MBD5: variants seen among roughly 807,000 people sequenced by gnomAD.
MBD5 encodes the protein methyl-CpG-binding domain protein 5.
MBD5 carries 13 observed loss-of-function variants against 117.3 expected under a neutral mutation model. The observed-to-expected ratio is 0.11, with a 90% CI of 0.07 to 0.18. The LOEUF (loss-of-function observed/expected upper bound fraction) is 0.18. Among genes scored for constraint, MBD5 ranks in the 10% least tolerant of loss-of-function variants. The pLI is 1.00. For missense variants in MBD5, 1,879 were observed against 2,093.8 expected (o/e 0.90, Z 2.00); for synonymous variants, 727 against 766.4 (o/e 0.95, Z 0.85).
At chr2:148,044,509 T>C (rs539771176) in intron 1 of MBD5, 2 of 152,294 alleles carry the variant, frequency 1.3e-5, no homozygotes, top group Admixed American at 6.5e-5. Flanking sequence ...AATGTGTTGT[T>C]GGGAGTCACG....
chr2:148,322,923 C>A (rs1393966446), intron 3 of MBD5, among the ~76,000 whole-genome samples: 1 of 150,750 alleles, frequency 6.6e-6, no homozygotes, highest in Non-Finnish European at 1.5e-5. Context: ...TATACATGTG[C>A]CATGCTGGTG....
At chr2:148,168,791 G>A (rs1036904627) in intron 1 of MBD5, among the ~76,000 whole-genome samples, 12 of 151,858 alleles carry the variant, frequency 7.9e-5, no homozygotes, top group African/African-American at 2.9e-4. Context: ...ATATCTCTAA[G>A]GACTCAGTGC....
At chr2:148,229,339 T>C (rs1292426112) in intron 2 of MBD5, among the ~76,000 whole-genome samples, 1 of 152,138 alleles carries the variant, frequency 6.6e-6, no homozygotes, top group Admixed American at 6.6e-5. Flanking sequence ...GCTTGATTCT[T>C]TGTAATTATT....
At chr2:148,185,428 G>C (rs1462929715) in intron 2 of MBD5, among the ~76,000 whole-genome samples, 2 of 152,178 alleles carry the variant, frequency 1.3e-5, no homozygotes, top group Non-Finnish European at 2.9e-5. Flanking sequence ...CTATATGTAT[G>C]TGTGTACCCT....
intron 10 of MBD5, among the ~76,000 whole-genome samples, chr2:148,488,861 T>C (rs1681423084): frequency 6.6e-6 from 1 of 152,184 alleles, no homozygotes; most frequent in Non-Finnish European, 1.5e-5. Context: ...CAGGTATTAC[T>C]ACCCCATCTG....
At position 148,468,637 on chromosome 2, in the gene MBD5, T is replaced by G. The variant is rs1041832049; in HGVS notation, c.694T>G (p.Tyr232Asp). ...PSPASSGSQI[Y>D]GDGSISPRTD... ...CCCAGCGTCATCAGGTTCCCAGATA[T>G]ATGGAGATGGTTCAATCTCTCCAAG... Residue 232 changes from tyrosine (Y) to aspartate (D), a missense_variant, in exon 8 of 14, where the codon TAT (tyrosine) becomes GAT (aspartate). By Grantham distance (160) the Tyr-to-Asp change is radical. This residue lies in a region of MBD5 where 1,666 missense variants were observed against 1,792.2 expected (regional missense o/e 0.93). Transcript: ENST00000642680. The G allele has an allele frequency of 6.2e-7, 1 of 1,613,748 alleles. No individual in the cohort carries two copies. The highest frequency in any genetic ancestry group is 8.5e-7 in the Non-Finnish European group (1 of 1,179,864).
intron 1 of MBD5, among the ~76,000 whole-genome samples, chr2:148,163,403 A>C (rs1698054721): frequency 6.6e-6 from 1 of 152,156 alleles, no homozygotes; most frequent in Non-Finnish European, 1.5e-5. Flanking sequence ...ACTATCCATA[A>C]AGTTGCTTTG....
At chr2:148,199,110 A>C (rs1313865094) in intron 2 of MBD5, among the ~76,000 whole-genome samples, 3 of 152,198 alleles carry the variant, frequency 2.0e-5, no homozygotes, top group Non-Finnish European at 4.4e-5. Context: ...CCACAGGCTG[A>C]AAACTCTCGG....
chr2:148,363,029 GA>G (rs1703586928), intron 4 of MBD5, among the ~76,000 whole-genome samples: 1 of 152,046 alleles, frequency 6.6e-6, no homozygotes. Context: ...TGAAGATGAG[GA>G]AAAAACAGTG....
intron 1 of MBD5, among the ~76,000 whole-genome samples, chr2:148,131,039 A>C (rs1017481212): frequency 3.9e-5 from 6 of 152,294 alleles, no homozygotes; most frequent in Admixed American, 1.3e-4. Context: ...AATGTAGTAT[A>C]CAGGTTATTC....
At chr2:148,358,692 G>A (rs556293454) in intron 4 of MBD5, among the ~76,000 whole-genome samples, 23 of 151,834 alleles carry the variant, frequency 1.5e-4, no homozygotes, top group African/African-American at 2.7e-4. Context: ...GCTGAGGAGC[G>A]GATCGCTTGA....
chr2:148,236,805 T>C (rs941314662), intron 3 of MBD5, among the ~76,000 whole-genome samples: 2 of 152,180 alleles, frequency 1.3e-5, no homozygotes, highest in Admixed American at 6.5e-5. Context: ...TTCTTCTAGT[T>C]ACGAAAATCC....
intron 1 of MBD5, among the ~76,000 whole-genome samples, chr2:148,102,772 A>G: frequency 6.7e-6 from 1 of 150,158 alleles, no homozygotes; most frequent in Non-Finnish European, 1.5e-5. Context: ...GAAGAGAGAG[A>G]GAGAGAGAGA....
intron 3 of MBD5, among the ~76,000 whole-genome samples, chr2:148,248,558 C>G (rs1316094860): frequency 6.6e-6 from 1 of 151,970 alleles, no homozygotes. Context: ...ACCAAGGCAT[C>G]ATGAATGAGT....
At chr2:148,116,251 T>C (rs1057256592) in intron 1 of MBD5, among the ~76,000 whole-genome samples, 2 of 152,066 alleles carry the variant, frequency 1.3e-5, no homozygotes, top group Non-Finnish European at 2.9e-5. Context: ...GAGTTCTTTA[T>C]AGGTTATCAC....
At chr2:148,409,559 G>A (rs1367031442) in intron 4 of MBD5, among the ~76,000 whole-genome samples, 2 of 150,770 alleles carry the variant, frequency 1.3e-5, no homozygotes, top group South Asian at 2.1e-4. Flanking sequence ...TTATTCCACA[G>A]TTTTTAAGGG....
At chr2:148,118,435 A>AAAATATAT (rs1021339753) in intron 1 of MBD5, among the ~76,000 whole-genome samples, 14 of 148,576 alleles carry the variant, frequency 9.4e-5, no homozygotes, top group African/African-American at 3.5e-4. Flanking sequence ...CATAAAAAAA[A>AAAATATAT]ATATATATAT....
chr2:148,489,958 G>A lies in MBD5; in HGVS notation c.4326G>A (p.Arg1442=), dbSNP rs766189023. 1 of 1,614,034 alleles carries A rather than the reference G, an allele frequency of 6.2e-7. No individual in the cohort carries two copies. The highest frequency in any genetic ancestry group is 8.5e-7 in the Non-Finnish European group (1 of 1,180,000). The change falls in exon 11 of 14, where the codon AGG becomes AGA. Residue 1442 remains arginine (R), a synonymous_variant. Transcript: ENST00000642680. The part of the protein sequence containing the change: ...GEQSPRGERN[R]WKYEEFLDHP... The stretch of plus-strand genomic sequence containing the variant: ...AAAGCCCCAGAGGGGAGCGAAACAG[G>A]TGGAAGTACGAGGAATTTTTAGATC...
chr2:148,047,922 T>A (rs1484537256), intron 1 of MBD5, among the ~76,000 whole-genome samples: 2 of 152,206 alleles, frequency 1.3e-5, no homozygotes, highest in African/African-American at 4.8e-5. Flanking sequence ...GTTTGTGAGA[T>A]CTCATACATA....
Sources: allele counts gnomAD v4.1 joint callset (sites outside exome capture counted in the v4.1 genomes callset), GRCh38; gene constraint gnomAD v4.1.1; regional missense constraint gnomAD v4.1.1; transcripts MANE v1.5; gene names NCBI Gene and HGNC (gene_info 2026-07-23, HGNC 2026-07-21).